ATG4C: variants seen among roughly 807,000 people sequenced by gnomAD.
The protein encoded by ATG4C is autophagy related 4C cysteine peptidase, also known as cysteine protease ATG4C.
A neutral mutation model predicts 57.6 loss-of-function variants in ATG4C; 56 were observed. That is an observed-to-expected ratio of 0.97 (90% CI 0.78 to 1.21). The LOEUF (loss-of-function observed/expected upper bound fraction) is 1.21, where lower values mean the gene tolerates loss of function less well. Among genes scored for constraint, ATG4C ranks in the 50% most tolerant of loss-of-function variants. ATG4C has a pLI of 0.00. For synonymous variants in ATG4C, 157 were observed against 174.1 expected (o/e 0.90, Z 0.78); for missense variants, 595 against 529.8 (o/e 1.12, Z -1.21).
intron 6 of ATG4C, among the ~76,000 whole-genome samples, chr1:62,822,219 C>T (rs959440401): frequency 2.6e-5 from 4 of 152,110 alleles, no homozygotes; most frequent in Non-Finnish European, 4.4e-5. Context: ...CTTAAGGTTA[C>T]ACTGATAACC....
intron 1 of ATG4C, among the ~76,000 whole-genome samples, chr1:62,793,340 A>T (rs1664348542): frequency 6.6e-6 from 1 of 151,800 alleles, no homozygotes; most frequent in Non-Finnish European, 1.5e-5. Flanking sequence ...TGCCAGGCAC[A>T]GTGGCTCATG....
Position 62,816,791 on chromosome 1 carries a change from T to A in ATG4C, c.377T>A (p.Leu126Gln). 1 of 1,571,784 alleles carries A rather than the reference T, an allele frequency of 6.4e-7. No individual in the cohort carries two copies. ...ATGCTCTTGGCTCAAGGACTCATAC[T>A]ACACTTTCTTGGTAGAGGTAAATCA... ...GQMLLAQGLI[L>Q]HFLGRAWTWP... The change falls in exon 4 of 11, where the codon CTA (leucine) becomes CAA (glutamine). Residue 126 changes from leucine (L) to glutamine (Q), a missense_variant. Leu to Gln is a moderately radical substitution (Grantham distance 113). Coordinates refer to ENST00000317868, the MANE Select transcript of ATG4C (RefSeq NM_032852.4).
intron 5 of ATG4C, among the ~76,000 whole-genome samples, chr1:62,820,392 G>C (rs1346601702): frequency 6.6e-6 from 1 of 151,978 alleles, no homozygotes; most frequent in East Asian, 1.9e-4. Flanking sequence ...TACAAAAACA[G>C]GATACAGGTT....
chr1:62,819,215 C>T lies in ATG4C; in HGVS notation c.605C>T (p.Ser202Phe). Residue 202 changes from serine to phenylalanine, a missense_variant, in exon 5 of 11, where the codon TCT becomes TTT. Coordinates refer to ENST00000317868, the MANE Select transcript of ATG4C (RefSeq NM_032852.4). The part of the protein sequence containing the change: ...RNEVYHRKII[S>F]WFGDSPLALF... ...GAAGTTTATCATAGGAAAATCATCT[C>T]TTGGTTTGGTGATTCCCCCTTGGCT... 6.2e-7 allele frequency: 1 copy of T among 1,613,526 alleles called. No homozygotes were observed.
At chr1:62,819,692 C>T (rs1665420336) in intron 5 of ATG4C, among the ~76,000 whole-genome samples, 1 of 151,744 alleles carries the variant, frequency 6.6e-6, no homozygotes, top group Admixed American at 6.6e-5. Flanking sequence ...AACCTGGGGG[C>T]TGTAATGTAC....
chr1:62,816,250 G>A (rs1362187333), intron 3 of ATG4C, among the ~76,000 whole-genome samples: 3 of 151,740 alleles, frequency 2.0e-5, no homozygotes, highest in Non-Finnish European at 4.4e-5. Flanking sequence ...ATCTAATATC[G>A]TCCTTGTCTG....
At chr1:62,794,672 A>G (rs1187806862) in intron 1 of ATG4C, among the ~76,000 whole-genome samples, 1 of 152,140 alleles carries the variant, frequency 6.6e-6, no homozygotes, top group Non-Finnish European at 1.5e-5. Flanking sequence ...AAATATTACT[A>G]TTGCTCTCCC....
At chr1:62,822,915 C>T (rs1177514585) in intron 6 of ATG4C, among the ~76,000 whole-genome samples, 1 of 152,136 alleles carries the variant, frequency 6.6e-6, no homozygotes, top group Non-Finnish European at 1.5e-5. Flanking sequence ...AGCACTTTGA[C>T]AGGCCGAGGT....
intron 6 of ATG4C, among the ~76,000 whole-genome samples, chr1:62,827,749 C>T (rs1479380982): frequency 1.3e-5 from 2 of 152,084 alleles, no homozygotes; most frequent in East Asian, 3.9e-4. Flanking sequence ...CAGATTATTT[C>T]ATCACCCAGG....
intron 3 of ATG4C, among the ~76,000 whole-genome samples, chr1:62,806,315 C>G (rs1283418970): frequency 4.1e-4 from 62 of 151,020 alleles, no homozygotes; most frequent in Non-Finnish European, 7.4e-5. Flanking sequence ...CTGAAAAGGA[C>G]CAAATTACAG....
chr1:62,850,856 A>ATG (rs1181424516), intron 10 of ATG4C, among the ~76,000 whole-genome samples: 7,001 of 40,730 alleles, frequency 0.17, 686 homozygotes, highest in East Asian at 0.36. Flanking sequence ...GTATGTATGT[A>ATG]TATATATATA....
At chr1:62,830,362 T>G (rs1665802786) in intron 7 of ATG4C, among the ~76,000 whole-genome samples, 1 of 152,080 alleles carries the variant, frequency 6.6e-6, no homozygotes, top group South Asian at 2.1e-4. Context: ...TCTAGGTGGG[T>G]TCTAATCAAA....
intron 1 of ATG4C, among the ~76,000 whole-genome samples, chr1:62,796,349 A>G (rs1664467229): frequency 6.6e-6 from 1 of 151,832 alleles, no homozygotes; most frequent in African/African-American, 2.4e-5. Context: ...CTCTTTCCAA[A>G]TGTTACCCCA....
chr1:62,858,767 AT>A (rs1666761731), intron 10 of ATG4C, among the ~76,000 whole-genome samples: 1 of 152,144 alleles, frequency 6.6e-6, no homozygotes, highest in Non-Finnish European at 1.5e-5. Flanking sequence ...AGAAGAAAGT[AT>A]TTTTTTAAGA....
intron 3 of ATG4C, among the ~76,000 whole-genome samples, chr1:62,807,993 C>T (rs556986070): frequency 3.9e-5 from 6 of 152,236 alleles, no homozygotes; most frequent in South Asian, 4.1e-4. Context: ...ATAGGATTCC[C>T]GGTTGGTGTC....
At chr1:62,837,564 C>G (rs1316470519) in intron 9 of ATG4C, among the ~76,000 whole-genome samples, 1 of 152,132 alleles carries the variant, frequency 6.6e-6, no homozygotes, top group Non-Finnish European at 1.5e-5. Flanking sequence ...ATAGACATGT[C>G]AGTTTGTTCT....
chr1:62,858,858 A>T (rs1267850632), intron 10 of ATG4C, among the ~76,000 whole-genome samples: 5 of 152,188 alleles, frequency 3.3e-5, no homozygotes, highest in Admixed American at 6.5e-5. Context: ...GATAGTTAAC[A>T]TCACTTGCAC....
At chr1:62,820,355 C>T (rs1665442443) in intron 5 of ATG4C, among the ~76,000 whole-genome samples, 1 of 151,980 alleles carries the variant, frequency 6.6e-6, no homozygotes, top group African/African-American at 2.4e-5. Context: ...TTAAAACTGT[C>T]AAAAACCTTT....
At chr1:62,824,863 C>T (rs984917899) in intron 6 of ATG4C, among the ~76,000 whole-genome samples, 2 of 151,954 alleles carry the variant, frequency 1.3e-5, no homozygotes, top group Non-Finnish European at 2.9e-5. Context: ...AGATGAAGGT[C>T]TCGCTATGTT....
Sources: gnomAD v4.1 joint callset for allele counts (sites outside exome capture counted in the v4.1 genomes callset) on GRCh38, gnomAD v4.1.1 for gene constraint, MANE v1.5 for transcripts, NCBI Gene and HGNC (gene_info 2026-07-23, HGNC 2026-07-21) for gene names.